Variants in PIEZO2 observed in about 807,000 individuals in gnomAD.
The protein encoded by PIEZO2 is piezo type mechanosensitive ion channel component 2, also known as piezo-type mechanosensitive ion channel component 2.
A neutral mutation model predicts 337.3 loss-of-function variants in PIEZO2; 172 were observed. The observed-to-expected ratio is 0.51, with a 90% CI of 0.45 to 0.58. The LOEUF (loss-of-function observed/expected upper bound fraction) is 0.58. PIEZO2 is among the 20% of genes least tolerant of loss of function. The probability of loss-of-function intolerance (pLI) is 0.00; values close to 1 mark genes in which losing one functional copy is unlikely to be tolerated. For synonymous variants in PIEZO2, 1,251 were observed against 1,228.5 expected (o/e 1.02, Z -0.38); for missense variants, 3,028 against 3,391.3 (o/e 0.89, Z 2.66).
At chr18:10,938,443 G>A (rs1015961684) in intron 3 of PIEZO2, among the ~76,000 whole-genome samples, 7 of 152,136 alleles carry the variant, frequency 4.6e-5, no homozygotes, top group African/African-American at 1.2e-4. Context: ...CCAAAAATCC[G>A]GAGCTAGATG....
intron 49 of PIEZO2, among the ~76,000 whole-genome samples, chr18:10,684,444 C>T (rs1258443133): frequency 2.1e-5 from 3 of 143,406 alleles, no homozygotes; most frequent in Admixed American, 7.3e-5. Context: ...GGATTACAAG[C>T]GTGAACCACT....
chr18:10,994,313 T>C (rs1214696746), intron 2 of PIEZO2, among the ~76,000 whole-genome samples: 1 of 152,192 alleles, frequency 6.6e-6, no homozygotes, highest in African/African-American at 2.4e-5. Context: ...TGCAAGTATC[T>C]TTCTCGTACA....
At chr18:10,778,633 C>A (rs539222530) in intron 18 of PIEZO2, among the ~76,000 whole-genome samples, 3 of 152,160 alleles carry the variant, frequency 2.0e-5, no homozygotes, top group Non-Finnish European at 4.4e-5. Flanking sequence ...CACCCGGCCT[C>A]TGGCTGCTCT....
chr18:10,843,659 G>A (rs1340759282), intron 7 of PIEZO2, among the ~76,000 whole-genome samples: 1 of 152,142 alleles, frequency 6.6e-6, no homozygotes, highest in Non-Finnish European at 1.5e-5. Flanking sequence ...CACATAGCAA[G>A]CATTCATTGG....
chr18:10,725,275 C>T (rs565829123), intron 36 of PIEZO2: 1 of 1,568,016 alleles, frequency 6.4e-7, no homozygotes, highest in Non-Finnish European at 8.8e-7. Flanking sequence ...CACCAAGTGC[C>T]AGATATGGTC....
Position 10,726,837 on chromosome 18 carries a change from C to T in PIEZO2, c.5029+4570G>A. 1 of 1,582,492 alleles carries T rather than the reference C, an allele frequency of 6.3e-7. No individual in the cohort carries two copies. Among genetic ancestry groups the T allele is most frequent in the Non-Finnish European group, 8.7e-7 (1 of 1,154,626 alleles). ...GGGTGCTGGATAATACCCGGATGCC[C>T]CACCTTATGCAGGACTTGGCACGCT... On this transcript the variant is annotated intron_variant, in intron 36 of 55. Coordinates refer to ENST00000674853, the MANE Select transcript of PIEZO2 (RefSeq NM_001378183.1). This position sits in a 1 kb window ranked among gnomAD's most constrained non-coding sequence, Gnocchi z 5.9.
Position 10,671,461 on chromosome 18 carries a change from T to A in PIEZO2, c.*66A>T. Reference sequence around the variant, plus strand: ...TCGAACTAGAAATGCTTAGCTCTTATGAGAATATTGTGCTTTTAAAAAAAA... The same window carrying A: ...TCGAACTAGAAATGCTTAGCTCTTAAGAGAATATTGTGCTTTTAAAAAAAA... On this transcript the variant is annotated 3_prime_UTR_variant, in exon 56 of 56. Coordinates refer to ENST00000674853, the MANE Select transcript of PIEZO2 (RefSeq NM_001378183.1). The A allele has an allele frequency of 6.7e-7, 1 of 1,496,350 alleles. No individual in the cohort carries two copies. 92.7% of individuals were successfully genotyped at this position (1,496,350 alleles called of 1,614,324 possible). A position where few individuals can be genotyped will look rare whatever the true frequency, so the allele number is the denominator to read the frequency against.
At chr18:10,944,517 G>GATATAT (rs368272727) in intron 3 of PIEZO2, among the ~76,000 whole-genome samples, 892 of 49,788 alleles carry the variant, frequency 0.018, 8 homozygotes, top group East Asian at 0.044. Flanking sequence ...CTTAGTAACA[G>GATATAT]ATATATATAT....
rs1474516278 is a variant in PIEZO2 at position 10,824,721 on chromosome 18, A to T, written c.918-17447T>A. On this transcript the variant is annotated intron_variant, in intron 7 of 55. Coordinates refer to ENST00000674853, the MANE Select transcript of PIEZO2 (RefSeq NM_001378183.1). The surrounding 1 kb of genome is among the most constrained non-coding windows in gnomAD (Gnocchi z 4.4). ...GACAAGTTGAAAACATACTACAGAG[A>T]ATTCTCTATACCCATTTTCCTCGAC... Among the ~76,000 whole-genome samples the T allele has an allele frequency of 6.6e-6, 1 of 152,190 alleles. No individual in the cohort carries two copies. The highest frequency in any genetic ancestry group is 2.4e-5 in the African/African-American group (1 of 41,454).
In PIEZO2 at chr18:10,797,642, T is replaced by A. The variant is rs1200505273; in HGVS notation, c.1379-120A>T. The A allele has an allele frequency of 8.4e-6, 12 of 1,432,274 alleles. No individual in the cohort carries two copies. In the Admixed American group the frequency reaches 3.4e-4, roughly 40 times the overall value. 88.7% of individuals were successfully genotyped at this position (1,432,274 alleles called of 1,614,324 possible). A position where few individuals can be genotyped will look rare whatever the true frequency, so the allele number is the denominator to read the frequency against. On this transcript the variant is annotated intron_variant, in intron 11 of 55. Coordinates refer to ENST00000674853, the MANE Select transcript of PIEZO2 (RefSeq NM_001378183.1). ...AGCCTTTTATTTAAGATTTCAGAAATTGTTTCCCATTCATAAAGCCCTTAA... is the reference window on the plus strand; with the variant it reads ...AGCCTTTTATTTAAGATTTCAGAAAATGTTTCCCATTCATAAAGCCCTTAA...
At position 11,138,830 on chromosome 18, in the gene PIEZO2, C is replaced by T. The variant is rs186083352; in HGVS notation, c.64+9695G>A. 5.3e-3 allele frequency among the ~76,000 whole-genome samples: 811 copies of T among 152,256 alleles called. 29 individuals are homozygous for T. Among genetic ancestry groups the T allele is most frequent in the Admixed American group, 0.05 (758 of 15,292 alleles). The stretch of plus-strand genomic sequence containing the variant: ...GAGAATTAAAGGAGAAAAGATGTCA[C>T]GTTGTTTCAAAGGTAACCATGAACC... On this transcript the variant is annotated intron_variant, in intron 1 of 55. Transcript: ENST00000674853.
In PIEZO2 at chr18:11,094,761, A is replaced by T. The variant is rs2039213791; in HGVS notation, c.65-28539T>A. The stretch of plus-strand genomic sequence containing the variant: ...GATTATTCTATATAAATTATAAAAT[A>T]TCTTTAAACATTGCTTGGGATCATT... On this transcript the variant is annotated intron_variant, in intron 1 of 55. Coordinates refer to ENST00000674853, the MANE Select transcript of PIEZO2 (RefSeq NM_001378183.1). The surrounding 1 kb of genome is among the most constrained non-coding windows in gnomAD (Gnocchi z 4.4). Among the ~76,000 whole-genome samples the T allele has an allele frequency of 6.6e-6, 1 of 152,268 alleles. No individual in the cohort carries two copies. The highest frequency in any genetic ancestry group is 2.1e-4 in the South Asian group (1 of 4,834).
chr18:10,825,852 C>G (rs2040660540), intron 7 of PIEZO2, among the ~76,000 whole-genome samples: 1 of 152,078 alleles, frequency 6.6e-6, no homozygotes, highest in South Asian at 2.1e-4. Flanking sequence ...TGCCTGGCCT[C>G]CACTTTCCAT....
chr18:10,708,318 C>A lies in PIEZO2; in HGVS notation c.5545G>T (p.Asp1849Tyr), dbSNP rs1375846869. 21 of 152,672 alleles carry A rather than the reference C, an allele frequency of 1.4e-4. No individual in the cohort carries two copies. The highest frequency in any genetic ancestry group is 1.4e-3 in the Admixed American group (21 of 15,290). The allele number at this position is 152,672 out of a possible 1,614,324, so 9.5% of individuals were successfully genotyped here. A position where few individuals can be genotyped will look rare whatever the true frequency, so the allele number is the denominator to read the frequency against. Residue 1849 changes from aspartate to tyrosine, a missense_variant, in exon 40 of 56, where the codon GAT becomes TAT. Physicochemically the swap from Asp to Tyr is radical, Grantham distance 160 (BLOSUM62 -3). Transcript: ENST00000674853. ...RPRLRKMLSM[D>Y]MSSSSADSGS... is the part of the protein sequence containing the mutation. ...CTGTCAGCTGATGAGGAGGACATAT[C>A]CATGCTGAGCATTTTACGGAGCCTA... is the stretch of plus-strand genomic sequence containing the variant.
rs943745660 is a variant in PIEZO2 at position 11,148,210 on chromosome 18, C to T, written c.64+315G>A. Among the ~76,000 whole-genome samples, 4 of 152,172 alleles carry T rather than the reference C, an allele frequency of 2.6e-5. No individual in the cohort carries two copies. The highest frequency in any genetic ancestry group is 5.9e-5 in the Non-Finnish European group (4 of 68,038). The stretch of plus-strand genomic sequence containing the variant: ...CTACGATGGGGACGCATCCGCCTTC[C>T]AGCCACAGCAATGGCCATCCTTAGT... On this transcript the variant is annotated intron_variant, in intron 1 of 55. Transcript: ENST00000674853. This position sits in a 1 kb window ranked among gnomAD's most constrained non-coding sequence, Gnocchi z 5.2.
In PIEZO2 at chr18:11,078,073, A is replaced by C. The variant is rs547882399; in HGVS notation, c.65-11851T>G. On this transcript the variant is annotated intron_variant, in intron 1 of 55. Transcript: ENST00000674853. This position sits in a 1 kb window ranked among gnomAD's most constrained non-coding sequence, Gnocchi z 5.3. ...ACACACACACACACACACACCACAC[A>C]CACAAAAACAAACATACACACACAC... Among the ~76,000 whole-genome samples the C allele has an allele frequency of 2.3e-4, 34 of 151,086 alleles. No homozygotes were observed. Among genetic ancestry groups the C allele is most frequent in the African/African-American group, 8.3e-4 (34 of 40,986 alleles).
intron 3 of PIEZO2, among the ~76,000 whole-genome samples, chr18:10,955,907 G>C (rs1481475938): frequency 6.6e-6 from 1 of 152,200 alleles, no homozygotes; most frequent in African/African-American, 2.4e-5. Context: ...CATTAGAACA[G>C]TAGCTATAAC....
chr18:10,739,833 T>C (rs1237644255), intron 33 of PIEZO2: 1 of 151,086 alleles, frequency 6.6e-6, no homozygotes, highest in Non-Finnish European at 1.5e-5. Context: ...CATCCAGATA[T>C]ACCAAGCAAA....
At chr18:10,758,509 G>A (rs1013348368) in intron 26 of PIEZO2, among the ~76,000 whole-genome samples, 5 of 152,112 alleles carry the variant, frequency 3.3e-5, no homozygotes, top group African/African-American at 7.2e-5. Flanking sequence ...GCAGTGGTGC[G>A]ATCTTGGCTC....
Sources: allele counts gnomAD v4.1 joint callset (sites outside exome capture counted in the v4.1 genomes callset), GRCh38; gene constraint gnomAD v4.1.1; non-coding constraint Gnocchi (gnomAD v3.1); transcripts MANE v1.5; gene names NCBI Gene and HGNC (gene_info 2026-07-23, HGNC 2026-07-21).